Variants in EXPH5 observed in about 807,000 individuals in gnomAD.
EXPH5 encodes exophilin-5.
EXPH5 carries 42 observed loss-of-function variants against 41.1 expected under a neutral mutation model. That is an observed-to-expected ratio of 1.02 (90% CI 0.80 to 1.32). The LOEUF is 1.32. Ranked by LOEUF, EXPH5 falls within the 40% of genes most tolerant of loss-of-function variation. EXPH5 has a pLI of 0.00. For synonymous variants in EXPH5, 798 were observed against 833.5 expected (o/e 0.96, Z 0.73); for missense variants, 2,298 against 2,314.5 (o/e 0.99, Z 0.15).
chr11:108,537,692 G>A (rs1416863416), intron 3 of EXPH5, among the ~76,000 whole-genome samples: 2 of 152,158 alleles, frequency 1.3e-5, no homozygotes, highest in African/African-American at 2.4e-5. Flanking sequence ...TGCAATATGA[G>A]CTTGGAAATA....
intron 1 of EXPH5, among the ~76,000 whole-genome samples, chr11:108,572,016 C>T (rs1205775436): frequency 6.6e-6 from 1 of 151,086 alleles, no homozygotes; most frequent in Non-Finnish European, 1.5e-5. Context: ...CACCACTGCA[C>T]TCCAGCCTGG....
intron 4 of EXPH5, among the ~76,000 whole-genome samples, chr11:108,519,882 C>T (rs1396786344): frequency 1.5e-5 from 2 of 131,108 alleles, no homozygotes; most frequent in East Asian, 2.5e-4. Flanking sequence ...ACCCGGGAGG[C>T]GGAGGTTGTA....
chr11:108,604,227 C>CAAAAAAA, the EXPH5 span, among the ~76,000 whole-genome samples: 1 of 109,748 alleles, frequency 9.1e-6, no homozygotes. Flanking sequence ...CCCATCTCTA[C>CAAAAAAA]AAAAAAAAAA....
intron 1 of EXPH5, among the ~76,000 whole-genome samples, chr11:108,576,663 A>G (rs2094080660): frequency 6.6e-6 from 1 of 152,248 alleles, no homozygotes; most frequent in Non-Finnish European, 1.5e-5. Context: ...ATATAAGAAT[A>G]CAATGTGTAA....
intron 5 of EXPH5, among the ~76,000 whole-genome samples, chr11:108,516,344 A>T (rs1462040885): frequency 6.6e-6 from 1 of 152,162 alleles, no homozygotes; most frequent in Non-Finnish European, 1.5e-5. Context: ...GTGATCTTAG[A>T]CAAGCCACAG....
intron 1 of EXPH5, among the ~76,000 whole-genome samples, chr11:108,554,938 A>G (rs952825368): frequency 1.3e-5 from 2 of 152,162 alleles, no homozygotes; most frequent in African/African-American, 2.4e-5. Context: ...CCGGCCTCCA[A>G]AAAAGAGAGG....
chr11:108,592,218 T>C (rs1226084511), intron 1 of EXPH5, among the ~76,000 whole-genome samples: 1 of 152,134 alleles, frequency 6.6e-6, no homozygotes, highest in Non-Finnish European at 1.5e-5. Flanking sequence ...TGGTATGAAA[T>C]CCATATTCCC....
chr11:108,540,878 C>T (rs2093908865), intron 2 of EXPH5, among the ~76,000 whole-genome samples: 1 of 151,536 alleles, frequency 6.6e-6, no homozygotes, highest in South Asian at 2.1e-4. Flanking sequence ...TATTTAAGTG[C>T]TTACCCTGTT....
chr11:108,557,456 G>C (rs1002087218), intron 1 of EXPH5, among the ~76,000 whole-genome samples: 15 of 152,198 alleles, frequency 9.9e-5, no homozygotes, highest in African/African-American at 3.6e-4. Context: ...GAATTCTCGT[G>C]TCTCAGCCTC....
chr11:108,543,644 G>A (rs1056732010), intron 1 of EXPH5, among the ~76,000 whole-genome samples: 1 of 152,114 alleles, frequency 6.6e-6, no homozygotes, highest in Non-Finnish European at 1.5e-5. Flanking sequence ...CTGTGAAGTG[G>A]CAGATTTGGA....
intron 3 of EXPH5, among the ~76,000 whole-genome samples, chr11:108,536,002 A>C (rs2093877313): frequency 6.6e-6 from 1 of 152,248 alleles, no homozygotes; most frequent in Admixed American, 6.5e-5. Flanking sequence ...CACATGTTAC[A>C]TGCACTAGAT....
chr11:108,521,773 T>C (rs1431701633), intron 4 of EXPH5, among the ~76,000 whole-genome samples: 1 of 152,212 alleles, frequency 6.6e-6, no homozygotes, highest in East Asian at 1.9e-4. Context: ...TCTGCAATTT[T>C]GGTAGTTGGT....
At chr11:108,603,638 A>C in the EXPH5 span, among the ~76,000 whole-genome samples, 1 of 152,238 alleles carries the variant, frequency 6.6e-6, no homozygotes, top group South Asian at 2.1e-4. Flanking sequence ...CATTAAGCAT[A>C]ATGCCATTAT....
At chr11:108,590,955 A>C (rs537990578) in intron 1 of EXPH5, among the ~76,000 whole-genome samples, 9 of 152,174 alleles carry the variant, frequency 5.9e-5, no homozygotes, top group Non-Finnish European at 1.3e-4. Flanking sequence ...GCCCAGCCCC[A>C]ACTATAGGGT....
chr11:108,514,935 G>A, intron 5 of EXPH5, 60 bp from the exon 6 acceptor site: 1 of 1,169,046 alleles, frequency 8.6e-7, no homozygotes, highest in Non-Finnish European at 1.1e-6. Context: ...ATAATAATTT[G>A]AGTTATTGAA....
In EXPH5 at chr11:108,589,246, C is replaced by G. The variant is rs1363399341; in HGVS notation, c.119+4172G>C. On this transcript the variant is annotated intron_variant, in intron 1 of 5. Transcript: ENST00000265843. ...TCTGGCACACAGTAAAAAGCCCAAT[C>G]AGTAGACATCCAATGTCTCTAGAAA... is the stretch of plus-strand genomic sequence containing the variant. 5.3e-5 allele frequency among the ~76,000 whole-genome samples: 8 copies of G among 152,196 alleles called. No homozygotes were observed. The East Asian group carries it at 1.5e-3, about 29-fold the overall frequency.
chr11:108,518,644 A>G (rs940348747), intron 4 of EXPH5, among the ~76,000 whole-genome samples: 16 of 152,212 alleles, frequency 1.1e-4, no homozygotes, highest in Admixed American at 6.5e-5. Flanking sequence ...GAACTTACAC[A>G]GCACTGTCAG....
intron 4 of EXPH5, among the ~76,000 whole-genome samples, chr11:108,521,512 A>T (rs1215557824): frequency 1.3e-5 from 2 of 152,222 alleles, no homozygotes; most frequent in Non-Finnish European, 2.9e-5. Flanking sequence ...ATGATTTAGC[A>T]TACTAATATA....
rs189246811 is a variant in EXPH5 at position 108,574,099 on chromosome 11, C to T, written c.119+19319G>A. Among the ~76,000 whole-genome samples, 1,070 of 150,392 alleles carry T rather than the reference C, an allele frequency of 7.1e-3. 4 individuals carry two copies. Among genetic ancestry groups the T allele is most frequent in the Middle Eastern group, 0.021 (6 of 292 alleles). ...TGTGTTTTTTTTTTTTTAGTAGAGA[C>T]GGGGTTTCACCATGTTAGCCAGGAT... On this transcript the variant is annotated intron_variant, in intron 1 of 5. Transcript: ENST00000265843.
Sources: allele counts gnomAD v4.1 joint callset (sites outside exome capture counted in the v4.1 genomes callset), GRCh38; gene constraint gnomAD v4.1.1; transcripts MANE v1.5; gene names NCBI Gene and HGNC (gene_info 2026-07-23, HGNC 2026-07-21).